Variants in STXBP5 observed in about 807,000 individuals in gnomAD.
The protein encoded by STXBP5 is syntaxin binding protein 5, also known as syntaxin-binding protein 5.
Under a neutral mutation model 152.4 loss-of-function variants are expected in STXBP5, and 50 were observed. The observed-to-expected ratio is 0.33, with a 90% CI of 0.26 to 0.42. The LOEUF is 0.42. Ranked by LOEUF, STXBP5 falls within the 10% of genes least tolerant of loss-of-function variation. The pLI, the probability that STXBP5 is intolerant of heterozygous loss-of-function variation, is 1.00. For synonymous variants in STXBP5, 492 were observed against 494.7 expected (o/e 0.99, Z 0.07); for missense variants, 1,167 against 1,388.6 (o/e 0.84, Z 2.54).
chr6:147,235,313 C>T lies in STXBP5; in HGVS notation c.312C>T (p.Leu104=). Residue 104 remains leucine (L), a synonymous_variant, in exon 3 of 28, where the codon CTC becomes CTT. Transcript: ENST00000321680. ...ACAGTGGAGCTGCAGTAATCCAGCTCCAGTTCCTGATTAATGAGGTTAGTG... is the reference window on the plus strand; with the variant it reads ...ACAGTGGAGCTGCAGTAATCCAGCTTCAGTTCCTGATTAATGAGGTTAGTG... ...QHDSGAAVIQ[L]QFLINEGALV... 6.2e-7 allele frequency: 1 copy of T among 1,612,756 alleles called. No individual in the cohort carries two copies. The highest frequency in any genetic ancestry group is 8.5e-7 in the Non-Finnish European group (1 of 1,179,192).
At chr6:147,309,919 C>T (rs1453826275) in intron 9 of STXBP5, among the ~76,000 whole-genome samples, 165 bp from the exon 10 acceptor site, 1 of 151,848 alleles carries the variant, frequency 6.6e-6, no homozygotes, top group Non-Finnish European at 1.5e-5. Flanking sequence ...TCACTTGGGT[C>T]TTAACTAATC....
intron 25 of STXBP5, among the ~76,000 whole-genome samples, chr6:147,368,059 T>G (rs1419687751): frequency 6.6e-6 from 1 of 152,148 alleles, no homozygotes; most frequent in Non-Finnish European, 1.5e-5. Context: ...CCTAGATGGC[T>G]TCAGTGATGA....
chr6:147,314,010 A>G lies in STXBP5; in HGVS notation c.1272A>G (p.Lys424=), dbSNP rs2128373487. 1.3e-6 allele frequency: 2 copies of G among 1,590,946 alleles called. No homozygotes were observed. The highest frequency in any genetic ancestry group is 1.1e-5 in the South Asian group (1 of 87,072). The part of the protein sequence containing the change: ...PALYSVGARQ[K]RQGYSKKEWP... ...TTTATTCTGTTGGAGCTAGACAGAA[A>G]CGTCAAGGTTACAGCAAAAAGGTAT... The change falls in exon 12 of 28, where the codon AAA becomes AAG. Residue 424 remains lysine (K), a synonymous_variant. Transcript: ENST00000321680.
chr6:147,216,094 T>G (rs941425619), intron 2 of STXBP5, among the ~76,000 whole-genome samples: 2 of 152,160 alleles, frequency 1.3e-5, no homozygotes, highest in African/African-American at 4.8e-5. Context: ...GAATAATGTA[T>G]TTTTTAAAAA....
At chr6:147,354,178 T>G (rs1784716207) in intron 22 of STXBP5, among the ~76,000 whole-genome samples, 2 of 152,184 alleles carry the variant, frequency 1.3e-5, no homozygotes, top group Admixed American at 1.3e-4. Context: ...ATTCTCTAGA[T>G]TTCTTGACTA....
At position 147,388,510 on chromosome 6, in the gene STXBP5, A is replaced by G. The variant is rs890811549; in HGVS notation, c.*3755A>G. ...ATGGTGAACTTGTTAAGTTTAAGTC[A>G]AAGTACTTAAAAAGTATGTATATTA... On this transcript the variant is annotated 3_prime_UTR_variant, in exon 28 of 28. Transcript: ENST00000321680. 1.3e-5 allele frequency: 2 copies of G among 151,606 alleles called. No homozygotes were observed. The highest frequency in any genetic ancestry group is 3.0e-5 in the Non-Finnish European group (2 of 67,656). 9.4% of individuals were successfully genotyped at this position (151,606 alleles called of 1,614,324 possible).
chr6:147,324,272 T>G (rs1429511255), intron 16 of STXBP5, among the ~76,000 whole-genome samples: 5 of 123,760 alleles, frequency 4.0e-5, no homozygotes, highest in South Asian at 3.0e-4. Flanking sequence ...TGGTTTTTTT[T>G]TTTTTTTTTT....
rs1562284738 is a variant in STXBP5, at chr6:147,389,308, A to C, written c.*4553A>C. 6.6e-6 allele frequency: 1 copy of C among 151,788 alleles called. No individual in the cohort carries two copies. The highest frequency in any genetic ancestry group is 1.5e-5 in the Non-Finnish European group (1 of 67,782). The allele number at this position is 151,788 out of a possible 1,614,324, so 9.4% of individuals were successfully genotyped here. On this transcript the variant is annotated 3_prime_UTR_variant, in exon 28 of 28. Coordinates refer to ENST00000321680, the MANE Select transcript of STXBP5 (RefSeq NM_001127715.4). Reference sequence around the variant, plus strand: ...GCAACCAAAAACAACCAAAAAAAGAAAAAAAGGGAAAACTGGCTTACCTTT... The same window carrying C: ...GCAACCAAAAACAACCAAAAAAAGACAAAAAGGGAAAACTGGCTTACCTTT...
chr6:147,215,463 C>T (rs2115055162), intron 2 of STXBP5, among the ~76,000 whole-genome samples: 1 of 152,248 alleles, frequency 6.6e-6, no homozygotes, highest in African/African-American at 2.4e-5. Context: ...TCACTACAAC[C>T]TCTGCCTCCC....
chr6:147,363,476 G>A lies in STXBP5; in HGVS notation c.2687G>A (p.Arg896Gln), dbSNP rs779043751. Residue 896 changes from arginine to glutamine, a missense_variant, in exon 24 of 28, where the codon CGG becomes CAG. Arg to Gln is a conservative substitution (Grantham distance 43). Transcript: ENST00000321680. ...GACGAAAAGGAGAAATTGAAAAAAC[G>A]GCGGCCTGTCTCAGTATCCCCCTCC... ...EKDEKEKLKK[R>Q]RPVSVSPSSS... 1.5e-5 allele frequency: 25 copies of A among 1,613,904 alleles called. No individual in the cohort carries two copies. Among genetic ancestry groups the A allele is most frequent in the Non-Finnish European group, 1.9e-5 (23 of 1,180,012 alleles).
chr6:147,258,584 C>T (rs1407271990), intron 4 of STXBP5, among the ~76,000 whole-genome samples: 1 of 152,090 alleles, frequency 6.6e-6, no homozygotes, highest in African/African-American at 2.4e-5. Context: ...CAGGTGCCCA[C>T]CACCTCGCCT....
At chr6:147,235,485 C>G (rs187783293) in intron 3 of STXBP5, among the ~76,000 whole-genome samples, 154 bp downstream of exon 3, 109 of 152,182 alleles carry the variant, frequency 7.2e-4, no homozygotes, top group Non-Finnish European at 1.3e-3. Context: ...TTTTAAGGTA[C>G]CGTCATGGAC....
intron 9 of STXBP5, among the ~76,000 whole-genome samples, chr6:147,291,586 C>T (rs1303312105): frequency 6.6e-6 from 1 of 151,796 alleles, no homozygotes; most frequent in Non-Finnish European, 1.5e-5. Context: ...TGAGTATCTG[C>T]CAATTATGAA....
chr6:147,210,520 T>C (rs2115028737), intron 2 of STXBP5, among the ~76,000 whole-genome samples: 1 of 152,266 alleles, frequency 6.6e-6, no homozygotes. Context: ...TGGTAGCTTT[T>C]TGGGCAGAAT....
chr6:147,379,336 GAAAT>G lies in STXBP5; in HGVS notation c.3194-3437_3194-3434del, dbSNP rs555238473. On this transcript the variant is annotated intron_variant, in intron 26 of 27. Transcript: ENST00000321680. ...AGTATTTCTTTTAATTCACTATCTAGAAATAAATCTTAAGAGAACATGTTCAGAA... is the reference window on the plus strand; with the variant it reads ...AGTATTTCTTTTAATTCACTATCTAGAAATCTTAAGAGAACATGTTCAGAA... 3.3e-3 allele frequency among the ~76,000 whole-genome samples: 495 copies of G among 152,168 alleles called. 4 individuals carry two copies. Among genetic ancestry groups the G allele is most frequent in the Non-Finnish European group, 5.8e-3 (395 of 67,984 alleles).
intron 7 of STXBP5, among the ~76,000 whole-genome samples, chr6:147,274,022 T>A (rs1424035754): frequency 6.7e-6 from 1 of 148,478 alleles, no homozygotes; most frequent in East Asian, 1.9e-4. Context: ...TTTAAATGAA[T>A]TTTTTTTTGC....
Position 147,316,257 on chromosome 6 carries a change from T to C in STXBP5, c.1652T>C (p.Ile551Thr), listed in dbSNP as rs1782639914. The part of the protein sequence containing the change: ...PMLEVRLLYE[I>T]NDVETPEGEQ... ...CTTGAAGTTCGATTATTATATGAGA[T>C]AAATGATGTGGAAACTCCGGAGGGT... The change falls in exon 16 of 28, where the codon ATA becomes ACA. Residue 551 changes from isoleucine (I) to threonine (T), a missense_variant. Ile to Thr is a moderately conservative substitution (Grantham distance 89). Transcript: ENST00000321680. The C allele has an allele frequency of 1.2e-6, 2 of 1,613,890 alleles. No individual in the cohort carries two copies. The highest frequency in any genetic ancestry group is 8.5e-7 in the Non-Finnish European group (1 of 1,179,992).
chr6:147,213,477 T>TGTGCGCGCGCGCGCGCGCGCGCGC, intron 2 of STXBP5, among the ~76,000 whole-genome samples: 30 of 131,260 alleles, frequency 2.3e-4, no homozygotes, highest in Non-Finnish European at 3.8e-4. Flanking sequence ...TGTGTGTGTG[T>TGTGCGCGCGCGCGCGCGCGCGCGC]GCGCGCGCAT....
chr6:147,283,863 C>T (rs187557097), intron 8 of STXBP5, among the ~76,000 whole-genome samples: 1 of 152,294 alleles, frequency 6.6e-6, no homozygotes, highest in East Asian at 1.9e-4. Flanking sequence ...AACAACCCTC[C>T]TCCCCATTGC....
Sources: allele counts gnomAD v4.1 joint callset (sites outside exome capture counted in the v4.1 genomes callset), GRCh38; gene constraint gnomAD v4.1.1; transcripts MANE v1.5; gene names NCBI Gene and HGNC (gene_info 2026-07-23, HGNC 2026-07-21).